The following ASCC3 variants were observed in gnomAD, a reference collection of about 807,000 sequenced individuals.
ASCC3 encodes ASC-1 complex subunit P200.
A neutral mutation model predicts 256.3 loss-of-function variants in ASCC3; 158 were observed. That is an observed-to-expected ratio of 0.62 (90% CI 0.54 to 0.70). ASCC3 has a LOEUF of 0.70. Among genes scored for constraint, ASCC3 ranks in the 30% least tolerant of loss-of-function variants. The pLI is 0.00. For missense variants in ASCC3, 2,259 were observed against 2,626.0 expected (o/e 0.86, Z 3.05); for synonymous variants, 948 against 883.4 (o/e 1.07, Z -1.30).
intron 25 of ASCC3, among the ~76,000 whole-genome samples, chr6:100,631,418 A>C (rs780691100): frequency 4.4e-4 from 67 of 152,012 alleles, no homozygotes; most frequent in Non-Finnish European, 4.3e-4. Flanking sequence ...GAAATGTAAC[A>C]TATCACAAAC....
intron 14 of ASCC3, among the ~76,000 whole-genome samples, chr6:100,674,961 C>A (rs991878357): frequency 6.6e-6 from 1 of 151,990 alleles, no homozygotes; most frequent in African/African-American, 2.4e-5. Flanking sequence ...GGCATCATTG[C>A]CACTTTGTAT....
intron 26 of ASCC3, among the ~76,000 whole-genome samples, chr6:100,630,554 A>T (rs1308448987): frequency 6.6e-6 from 1 of 151,280 alleles, no homozygotes; most frequent in Non-Finnish European, 1.5e-5. Context: ...TTTTTTACAG[A>T]GTAATACAAT....
intron 13 of ASCC3, among the ~76,000 whole-genome samples, chr6:100,698,828 A>G (rs1041179954): frequency 1.3e-5 from 2 of 152,098 alleles, no homozygotes; most frequent in African/African-American, 4.8e-5. Context: ...CAGCTTACCA[A>G]AGAACTAATA....
intron 36 of ASCC3, among the ~76,000 whole-genome samples, chr6:100,581,116 C>T (rs1771222533): frequency 1.3e-5 from 2 of 152,122 alleles, no homozygotes; most frequent in African/African-American, 4.8e-5. Context: ...ATGGCTGGGT[C>T]AAATGGTATT....
intron 13 of ASCC3, among the ~76,000 whole-genome samples, chr6:100,688,167 T>C (rs1777673083): frequency 6.6e-6 from 1 of 151,954 alleles, no homozygotes; most frequent in African/African-American, 2.4e-5. Context: ...TGAAGAAATA[T>C]TTTTAAAAAG....
intron 14 of ASCC3, among the ~76,000 whole-genome samples, chr6:100,665,629 A>C (rs1016968793): frequency 6.6e-6 from 1 of 151,882 alleles, no homozygotes. Context: ...AGTCCCAGTT[A>C]CTCGGGAGGC....
chr6:100,638,534 A>G (rs1405330276), intron 25 of ASCC3, 67 bp downstream of exon 25: 2 of 1,328,294 alleles, frequency 1.5e-6, no homozygotes, highest in African/African-American at 1.5e-5. Context: ...TATATTTAGA[A>G]CTGTCTAGTT....
intron 1 of ASCC3, among the ~76,000 whole-genome samples, chr6:100,875,845 G>A (rs1773976427): frequency 1.3e-5 from 2 of 148,558 alleles, no homozygotes; most frequent in African/African-American, 4.9e-5. Flanking sequence ...AAACGCAAAG[G>A]GAGAAAATAG....
chr6:100,782,955 G>A (rs943291081), intron 8 of ASCC3, among the ~76,000 whole-genome samples: 1 of 151,682 alleles, frequency 6.6e-6, no homozygotes, highest in African/African-American at 2.4e-5. Context: ...CAAATAAAAG[G>A]CTTCTCAGTA....
intron 13 of ASCC3, among the ~76,000 whole-genome samples, chr6:100,690,802 T>C (rs1777806572): frequency 6.6e-6 from 1 of 152,066 alleles, no homozygotes; most frequent in Non-Finnish European, 1.5e-5. Flanking sequence ...AGCTATGTAA[T>C]AGATCCACAC....
At chr6:100,836,377 T>C (rs1771875717) in intron 4 of ASCC3, among the ~76,000 whole-genome samples, 1 of 152,112 alleles carries the variant, frequency 6.6e-6, no homozygotes, top group Non-Finnish European at 1.5e-5. Flanking sequence ...ATGTTAGCTA[T>C]AGGTTTGTCA....
intron 22 of ASCC3, among the ~76,000 whole-genome samples, chr6:100,645,836 T>G (rs1235404307): frequency 1.3e-5 from 2 of 152,234 alleles, no homozygotes; most frequent in East Asian, 3.9e-4. Flanking sequence ...AAAAACTGTA[T>G]AGTGTTAAAT....
Position 100,800,250 on chromosome 6 carries a change from A to G in ASCC3, c.1127+50T>C, listed in dbSNP as rs771590842. ...AAACTAAAAAGTGATAATGATATGT[A>G]AAAGCAGCAATTACAACACAAGCAT... On this transcript the variant is annotated intron_variant, in intron 6 of 41. Coordinates refer to ENST00000369162, the MANE Select transcript of ASCC3 (RefSeq NM_006828.4). The G allele has an allele frequency of 1.5e-5, 24 of 1,572,086 alleles. No individual in the cohort carries two copies. In the Admixed American group the frequency reaches 3.0e-4, roughly 20 times the overall value.
chr6:100,602,673 A>C (rs1228529118), intron 33 of ASCC3, among the ~76,000 whole-genome samples: 1 of 152,088 alleles, frequency 6.6e-6, no homozygotes, highest in Non-Finnish European at 1.5e-5. Flanking sequence ...CTCTTCATTA[A>C]TTTGTAAATA....
chr6:100,516,437 A>G (rs1774034604), intron 38 of ASCC3, 110 bp from the exon 39 acceptor site: 1 of 1,306,776 alleles, frequency 7.7e-7, no homozygotes, highest in Non-Finnish European at 1.1e-6. Flanking sequence ...TTAAGAAATA[A>G]CATTTTAAGA....
chr6:100,636,798 A>C (rs1173953510), intron 25 of ASCC3, among the ~76,000 whole-genome samples: 4 of 152,192 alleles, frequency 2.6e-5, no homozygotes, highest in Admixed American at 2.6e-4. Context: ...ATCAACCACG[A>C]TATTTCCATA....
chr6:100,826,298 AT>A (rs1476046252), intron 4 of ASCC3, among the ~76,000 whole-genome samples: 1 of 151,736 alleles, frequency 6.6e-6, no homozygotes, highest in Non-Finnish European at 1.5e-5. Flanking sequence ...CGCCCGGCTA[AT>A]TTTTTGTATT....
At chr6:100,532,400 ATATATATTT>A (rs1165727036) in intron 37 of ASCC3, among the ~76,000 whole-genome samples, 993 of 52,014 alleles carry the variant, frequency 0.019, 4 homozygotes, top group South Asian at 0.034. Flanking sequence ...ATATATATAT[ATATATATTT>A]TTTTTTTTTT....
chr6:100,773,646 T>C (rs372674801), intron 8 of ASCC3, among the ~76,000 whole-genome samples: 25 of 152,326 alleles, frequency 1.6e-4, no homozygotes, highest in African/African-American at 5.0e-4. Context: ...GAGTCTTTTA[T>C]ATGTATTTCT....
Sources: allele counts gnomAD v4.1 joint callset (sites outside exome capture counted in the v4.1 genomes callset), GRCh38; gene constraint gnomAD v4.1.1; transcripts MANE v1.5; gene names NCBI Gene and HGNC (gene_info 2026-07-23, HGNC 2026-07-21).